The following ANKFN1 variants were observed in gnomAD, a reference collection of about 807,000 sequenced individuals.
The protein encoded by ANKFN1 is ankyrin repeat and fibronectin type-III domain-containing protein 1.
A neutral mutation model predicts 108.7 loss-of-function variants in ANKFN1; 74 were observed. The observed-to-expected ratio is 0.68, with a 90% CI of 0.56 to 0.83. The LOEUF is 0.83. Ranked by LOEUF, ANKFN1 falls within the 40% of genes least tolerant of loss-of-function variation. ANKFN1 has a pLI of 0.00. For missense variants in ANKFN1, 1,505 were observed against 1,382.3 expected (o/e 1.09, Z -1.41); for synonymous variants, 547 against 516.2 (o/e 1.06, Z -0.81).
intron 6 of ANKFN1, among the ~76,000 whole-genome samples, chr17:56,355,636 T>C (rs1418511080): frequency 6.6e-6 from 1 of 152,156 alleles, no homozygotes; most frequent in African/African-American, 2.4e-5. Flanking sequence ...CAGTGCTCTA[T>C]GGAAAAGAGA....
At chr17:56,500,083 G>A (rs2051319729) in intron 20 of ANKFN1, among the ~76,000 whole-genome samples, 1 of 152,202 alleles carries the variant, frequency 6.6e-6, no homozygotes, top group Admixed American at 6.5e-5. Context: ...AGCTTGAACA[G>A]ATTACTACAT....
intron 3 of ANKFN1, among the ~76,000 whole-genome samples, chr17:56,277,444 TATA>T (rs2043963592): frequency 6.6e-6 from 1 of 152,146 alleles, no homozygotes; most frequent in African/African-American, 2.4e-5. Flanking sequence ...TAATGCTAAT[TATA>T]ATAATAATAA....
At chr17:56,366,078 T>C (rs6505050) in intron 6 of ANKFN1, among the ~76,000 whole-genome samples, 100,992 of 152,066 alleles carry the variant, frequency 0.66, 35,142 homozygotes, top group East Asian at 0.96. Flanking sequence ...AGGTGGAAGA[T>C]GATGATGTTG....
intron 3 of ANKFN1, among the ~76,000 whole-genome samples, chr17:56,312,455 C>T (rs2045058227): frequency 6.6e-6 from 1 of 152,142 alleles, no homozygotes; most frequent in Non-Finnish European, 1.5e-5. Flanking sequence ...CCCAGTACCT[C>T]CTTTCACACT....
intron 6 of ANKFN1, among the ~76,000 whole-genome samples, chr17:56,372,297 G>C (rs2046831474): frequency 6.6e-6 from 1 of 152,186 alleles, no homozygotes; most frequent in South Asian, 2.1e-4. Flanking sequence ...TGTCCTTCTA[G>C]AGGTCATGGC....
At chr17:56,460,477 T>TAAAA (rs1260120157) in intron 14 of ANKFN1, among the ~76,000 whole-genome samples, 46 of 151,672 alleles carry the variant, frequency 3.0e-4, no homozygotes, top group African/African-American at 1.1e-3. Context: ...TAAAATAAAA[T>TAAAA]AAAACCTTCT....
chr17:56,463,423 T>C (rs991201873), intron 14 of ANKFN1, among the ~76,000 whole-genome samples: 1 of 151,994 alleles, frequency 6.6e-6, no homozygotes, highest in African/African-American at 2.4e-5. Context: ...AGAGAAAAAA[T>C]TATTCATATT....
Position 56,073,679 on chromosome 17 carries a change from C to T in ANKFN1, c.288+27354C>T, listed in dbSNP as rs147883802. Among the ~76,000 whole-genome samples, 423 of 152,352 alleles carry T rather than the reference C, an allele frequency of 2.8e-3. 4 individuals are homozygous for T. The highest frequency in any genetic ancestry group is 7.7e-3 in the South Asian group (37 of 4,830). ...AAGCTGTTACTCCTCATTCTGTCTT[C>T]CCTTCAGTCCCTGGTGACCACCAAT... On this transcript the variant is annotated intron_variant, in intron 4 of 12. Transcript: ENST00000635860.
At chr17:56,268,597 A>C (rs1156291098) in intron 3 of ANKFN1, among the ~76,000 whole-genome samples, 3 of 152,202 alleles carry the variant, frequency 2.0e-5, no homozygotes, top group Admixed American at 1.3e-4. Context: ...GAGTGGAATG[A>C]AACTGAGATG....
intron 4 of ANKFN1, among the ~76,000 whole-genome samples, chr17:56,349,755 T>C (rs1718980723): frequency 6.6e-6 from 1 of 152,168 alleles, no homozygotes; most frequent in Admixed American, 6.6e-5. Context: ...AAAATGTGTA[T>C]ATTTATTATA....
At chr17:56,075,929 C>T (rs1052600667) in intron 4 of ANKFN1, among the ~76,000 whole-genome samples, 12 of 152,124 alleles carry the variant, frequency 7.9e-5, no homozygotes, top group African/African-American at 2.4e-4. Flanking sequence ...ACAAACTTGA[C>T]GACAAGACTG....
intron 3 of ANKFN1, among the ~76,000 whole-genome samples, chr17:56,260,547 C>A (rs890410642): frequency 3.3e-5 from 5 of 152,040 alleles, no homozygotes; most frequent in African/African-American, 4.8e-5. Context: ...TCATCCCAAC[C>A]AGCATTTTTG....
intron 10 of ANKFN1, among the ~76,000 whole-genome samples, chr17:56,446,697 A>G (rs2049302993): frequency 6.6e-6 from 1 of 152,102 alleles, no homozygotes; most frequent in African/African-American, 2.4e-5. Flanking sequence ...CTGAGGTAAG[A>G]GTTCAAGACC....
At chr17:56,138,509 TTTC>T (rs1407555685) in intron 4 of ANKFN1, among the ~76,000 whole-genome samples, 3 of 136,226 alleles carry the variant, frequency 2.2e-5, no homozygotes, top group African/African-American at 8.1e-5. Flanking sequence ...TTTTTTTTCT[TTTC>T]TTTTTTTTTT....
At chr17:56,049,647 T>C (rs1904740158) in intron 4 of ANKFN1, among the ~76,000 whole-genome samples, 1 of 150,886 alleles carries the variant, frequency 6.6e-6, no homozygotes, top group Admixed American at 6.6e-5. Flanking sequence ...CAGTGTTTGG[T>C]TTTTTGTTCT....
At chr17:56,313,761 G>C (rs2045114119) in intron 3 of ANKFN1, among the ~76,000 whole-genome samples, 1 of 152,166 alleles carries the variant, frequency 6.6e-6, no homozygotes, top group Non-Finnish European at 1.5e-5. Context: ...AGCTAAGGCA[G>C]GCATTATTCA....
intron 8 of ANKFN1, among the ~76,000 whole-genome samples, chr17:56,421,654 A>G (rs1262281231): frequency 3.3e-5 from 5 of 152,196 alleles, no homozygotes; most frequent in Non-Finnish European, 2.9e-5. Context: ...CAAGCTTTAG[A>G]CTTTCTAGAG....
chr17:56,082,807 T>C (rs1395534444), intron 4 of ANKFN1, among the ~76,000 whole-genome samples: 5 of 152,136 alleles, frequency 3.3e-5, no homozygotes, highest in African/African-American at 1.2e-4. Flanking sequence ...GATGTACCGT[T>C]CAGTGAACTT....
intron 3 of ANKFN1, among the ~76,000 whole-genome samples, chr17:56,314,952 C>A (rs1382540529): frequency 6.6e-6 from 1 of 152,188 alleles, no homozygotes; most frequent in Non-Finnish European, 1.5e-5. Context: ...TTGTTTGGTA[C>A]CTGATACCCT....
Sources: gnomAD v4.1 joint callset for allele counts (sites outside exome capture counted in the v4.1 genomes callset) on GRCh38, gnomAD v4.1.1 for gene constraint, MANE v1.5 for transcripts, NCBI Gene and HGNC (gene_info 2026-07-23, HGNC 2026-07-21) for gene names.